The following BCL6 variants were observed in gnomAD, a reference collection of about 807,000 sequenced individuals.
BCL6 encodes the protein BCL6 transcription repressor.
A neutral mutation model predicts 59.5 loss-of-function variants in BCL6; 7 were observed. The observed-to-expected ratio is 0.12, with a 90% CI of 0.07 to 0.22. The LOEUF is 0.22. BCL6 is among the 10% of genes least tolerant of loss of function. BCL6 has a pLI of 1.00. For missense variants in BCL6, 685 were observed against 939.4 expected (o/e 0.73, Z 3.54); for synonymous variants, 339 against 349.7 (o/e 0.97, Z 0.34).
In BCL6 at chr3:187,729,452, G is replaced by T. The variant is rs763822826; in HGVS notation, c.953C>A (p.Pro318His). 1 of 1,609,844 alleles carries T rather than the reference G, an allele frequency of 6.2e-7. No homozygotes were observed. Among genetic ancestry groups the T allele is most frequent in the Non-Finnish European group, 8.5e-7 (1 of 1,177,472 alleles). The change falls in exon 5 of 10, where the codon CCC becomes CAC. Residue 318 changes from proline to histidine, a missense_variant. By Grantham distance (77) the Pro-to-His change is moderately conservative. This residue lies in a region of BCL6 where 268 missense variants were observed against 263.8 expected (regional missense o/e 1.02). Coordinates refer to ENST00000406870, the MANE Select transcript of BCL6 (RefSeq NM_001706.5). This position sits in a 1 kb window ranked among gnomAD's most constrained non-coding sequence, Gnocchi z 5.6. ...SEDEIALHFEPPNAPLNRKGL... is the reference protein window; with the variant it reads ...SEDEIALHFEHPNAPLNRKGL... ...CTTCCGGTTCAGGGGTGCATTGGGG[G>T]GCTCGAAATGCAGGGCAATCTCATC...
chr3:187,734,242 T>C (rs1044337813), intron 2 of BCL6, among the ~76,000 whole-genome samples: 1 of 152,170 alleles, frequency 6.6e-6, no homozygotes, highest in Non-Finnish European at 1.5e-5. Flanking sequence ...AGTGTTTCAC[T>C]ATGTTGGCCA....
chr3:187,744,936 C>T (rs964901193), intron 1 of BCL6, among the ~76,000 whole-genome samples: 1 of 152,170 alleles, frequency 6.6e-6, no homozygotes, highest in Non-Finnish European at 1.5e-5. Flanking sequence ...GTCCTCTCCG[C>T]GGTCTGGGGC....
At chr3:187,737,752 CTTTTTTTTT>C (rs60679881) in intron 1 of BCL6, 1 of 83,374 alleles carries the variant, frequency 1.2e-5, no homozygotes, top group African/African-American at 4.6e-5. Flanking sequence ...GTGTGTATGC[CTTTTTTTTT>C]TTTTTTTTTT....
Position 187,725,489 on chromosome 3 carries a change from C to G in BCL6, c.1839+10G>C, listed in dbSNP as rs1579805013. 1 of 1,613,084 alleles carries G rather than the reference C, an allele frequency of 6.2e-7. No individual in the cohort carries two copies. Among genetic ancestry groups the G allele is most frequent in the South Asian group, 1.1e-5 (1 of 91,050 alleles). On this transcript the variant is annotated intron_variant, in intron 8 of 9. Transcript: ENST00000406870. The surrounding 1 kb of genome is among the most constrained non-coding windows in gnomAD (Gnocchi z 4.7). ...CCTGCCCGCTCCGCTCGCCTGCCCA[C>G]TCTGCTCACCTGTACAAATCTGGCT...
intron 6 of BCL6, 29 bp from the exon 7 acceptor site, chr3:187,726,927 A>C: frequency 6.2e-7 from 1 of 1,611,634 alleles, no homozygotes; most frequent in East Asian, 2.2e-5. Context: ...GGGACACCAA[A>C]GTCAGCACGA....
At chr3:187,745,057 C>G (rs1711860754) in intron 1 of BCL6, among the ~76,000 whole-genome samples, 2 of 152,038 alleles carry the variant, frequency 1.3e-5, no homozygotes, top group South Asian at 2.1e-4. Context: ...TTTCCAAAAA[C>G]CAAAACAACA....
At chr3:187,740,057 C>T (rs1711533282) in intron 1 of BCL6, among the ~76,000 whole-genome samples, 1 of 152,204 alleles carries the variant, frequency 6.6e-6, no homozygotes, top group African/African-American at 2.4e-5. Context: ...CCCCGCCGAC[C>T]CGGGCGGGGG....
intron 1 of BCL6, among the ~76,000 whole-genome samples, chr3:187,743,754 G>A (rs1347323191): frequency 7.2e-5 from 1 of 13,884 alleles, no homozygotes; most frequent in Non-Finnish European, 1.3e-4. Context: ...GCCCGCCCCC[G>A]GAGCTCAGCC....
chr3:187,729,403 G>A lies in BCL6; in HGVS notation c.1002C>T (p.Pro334=). 1.4e-5 allele frequency: 23 copies of A among 1,612,972 alleles called. No homozygotes were observed. The highest frequency in any genetic ancestry group is 1.9e-5 in the Non-Finnish European group (22 of 1,179,538). Residue 334 remains proline (P), a synonymous_variant, in exon 5 of 10, where the codon CCC becomes CCT. Transcript: ENST00000406870. This position sits in a 1 kb window ranked among gnomAD's most constrained non-coding sequence, Gnocchi z 5.6. Reference sequence around the variant, plus strand: ...AGTTGGGCTGGCAGTCAGATTTCTGGGGGCTCTGTGGACTAACCAGACCCT... The same window carrying A: ...AGTTGGGCTGGCAGTCAGATTTCTGAGGGCTCTGTGGACTAACCAGACCCT... ...NRKGLVSPQS[P]QKSDCQPNSP...
At chr3:187,741,740 G>A (rs1171624526) in intron 1 of BCL6, among the ~76,000 whole-genome samples, 1 of 152,186 alleles carries the variant, frequency 6.6e-6, no homozygotes, top group Non-Finnish European at 1.5e-5. Flanking sequence ...GCCTACCATT[G>A]CTCCACGCCA....
rs767821014 is a variant in BCL6 at position 187,729,302 on chromosome 3, G to C, written c.1103C>G (p.Thr368Ser). The change falls in exon 5 of 10, where the codon ACT becomes AGT. Residue 368 changes from threonine (T) to serine (S), a missense_variant. Thr to Ser is a moderately conservative substitution (Grantham distance 58, BLOSUM62 1). This residue lies in a region of BCL6 where 28 missense variants were observed against 66.4 expected (regional missense o/e 0.42). Transcript: ENST00000406870. The surrounding 1 kb of genome is among the most constrained non-coding windows in gnomAD (Gnocchi z 5.6). ...CTTCCAGTTGCAGGCTTTGGGGTCAGTGGGGCTCTTGGCTGGAGGGGAGCC... is the reference window on the plus strand; with the variant it reads ...CTTCCAGTTGCAGGCTTTGGGGTCACTGGGGCTCTTGGCTGGAGGGGAGCC... ...ASGSPPAKSP[T>S]DPKACNWKKY... 3.1e-6 allele frequency: 5 copies of C among 1,614,172 alleles called. No individual in the cohort carries two copies. Among genetic ancestry groups the C allele is most frequent in the Non-Finnish European group, 4.2e-6 (5 of 1,180,044 alleles).
At chr3:187,744,554 C>T (rs933335199) in intron 1 of BCL6, among the ~76,000 whole-genome samples, 7 of 152,186 alleles carry the variant, frequency 4.6e-5, no homozygotes, top group African/African-American at 1.7e-4. Context: ...CACGATACTT[C>T]ATCTCATCTG....
chr3:187,729,296 G>C lies in BCL6; in HGVS notation c.1109C>G (p.Pro370Arg). ...GSPPAKSPTD[P>R]KACNWKKYKF... ...GTATTTCTTCCAGTTGCAGGCTTTG[G>C]GGTCAGTGGGGCTCTTGGCTGGAGG... The change falls in exon 5 of 10, where the codon CCC becomes CGC. Residue 370 changes from proline (P) to arginine (R), a missense_variant. This residue lies in a region of BCL6 where 28 missense variants were observed against 66.4 expected (regional missense o/e 0.42). Transcript: ENST00000406870. This position sits in a 1 kb window ranked among gnomAD's most constrained non-coding sequence, Gnocchi z 5.6. 6.2e-7 allele frequency: 1 copy of C among 1,614,132 alleles called. No homozygotes were observed. The highest frequency in any genetic ancestry group is 8.5e-7 in the Non-Finnish European group (1 of 1,180,038).
intron 1 of BCL6, among the ~76,000 whole-genome samples, chr3:187,745,060 A>G (rs1324979081): frequency 2.0e-5 from 3 of 151,844 alleles, no homozygotes; most frequent in South Asian, 2.1e-4. Context: ...CCAAAAACCA[A>G]AACAACACAA....
intron 1 of BCL6, among the ~76,000 whole-genome samples, chr3:187,744,581 A>G (rs183085575): frequency 2.0e-5 from 3 of 152,270 alleles, no homozygotes; most frequent in Admixed American, 1.3e-4. Context: ...TGACCAAAAA[A>G]ACAAAAACAA....
chr3:187,736,952 G>A (rs1719308074), intron 1 of BCL6: 1 of 152,198 alleles, frequency 6.6e-6, no homozygotes, highest in Non-Finnish European at 1.5e-5. Context: ...CCGGGTGAGA[G>A]GCCTTGCCCA....
chr3:187,726,612 G>A, intron 7 of BCL6, 119 bp downstream of exon 7: 3 of 1,413,914 alleles, frequency 2.1e-6, no homozygotes, highest in Non-Finnish European at 1.9e-6. Flanking sequence ...CCAGGATGGG[G>A]CCTGCCTCCT....
chr3:187,738,199 G>T (rs1055819365), intron 1 of BCL6, among the ~76,000 whole-genome samples: 2 of 152,158 alleles, frequency 1.3e-5, no homozygotes, highest in Admixed American at 6.5e-5. Context: ...GAGACTTTAA[G>T]TTGTCCGATT....
intron 9 of BCL6, chr3:187,724,424 G>A (rs2108555676): frequency 6.4e-6 from 1 of 155,928 alleles, no homozygotes; most frequent in South Asian, 2.0e-4. Flanking sequence ...CTGCATGGCT[G>A]GCCGCCTCCT....
Sources: allele counts gnomAD v4.1 joint callset (sites outside exome capture counted in the v4.1 genomes callset), GRCh38; gene constraint gnomAD v4.1.1; regional missense constraint gnomAD v4.1.1; non-coding constraint Gnocchi (gnomAD v3.1); transcripts MANE v1.5; gene names NCBI Gene and HGNC (gene_info 2026-07-23, HGNC 2026-07-21).